Variants in SNRK observed in about 807,000 individuals in gnomAD.
The protein encoded by SNRK is SNF related kinase.
A neutral mutation model predicts 48.2 loss-of-function variants in SNRK; 3 were observed. That is an observed-to-expected ratio of 0.06 (90% CI 0.03 to 0.16). SNRK has a LOEUF of 0.16. Among genes scored for constraint, SNRK ranks in the 10% least tolerant of loss-of-function variants. SNRK has a pLI of 1.00. For synonymous variants in SNRK, 376 were observed against 366.1 expected (o/e 1.03, Z -0.31); for missense variants, 627 against 976.0 (o/e 0.64, Z 4.76).
chr3:43,323,398 A>G (rs1156609496), intron 3 of SNRK, among the ~76,000 whole-genome samples: 1 of 152,260 alleles, frequency 6.6e-6, no homozygotes, highest in Non-Finnish European at 1.5e-5. Context: ...CATTAGGGAA[A>G]TGCAAGTTAA....
At chr3:43,318,256 T>C (rs1465812227) in intron 3 of SNRK, among the ~76,000 whole-genome samples, 3 of 152,168 alleles carry the variant, frequency 2.0e-5, no homozygotes, top group Non-Finnish European at 4.4e-5. Context: ...TCTCACATGT[T>C]TTTAGTTGTA....
intron 1 of SNRK, among the ~76,000 whole-genome samples, chr3:43,294,851 G>A (rs1258024206): frequency 4.6e-5 from 7 of 151,822 alleles, no homozygotes; most frequent in Non-Finnish European, 1.5e-5. Flanking sequence ...GTTAATAAAA[G>A]CTTTAGATCA....
chr3:43,323,069 T>C (rs1211520532), intron 3 of SNRK, among the ~76,000 whole-genome samples: 1 of 151,582 alleles, frequency 6.6e-6, no homozygotes, highest in Non-Finnish European at 1.5e-5. Context: ...ACAAAGGTGC[T>C]AAAGCAATTC....
At chr3:43,320,825 T>A (rs1227361387) in intron 3 of SNRK, among the ~76,000 whole-genome samples, 1 of 152,154 alleles carries the variant, frequency 6.6e-6, no homozygotes, top group Non-Finnish European at 1.5e-5. Flanking sequence ...TTAAGATTCT[T>A]ATATGAATTT....
intron 3 of SNRK, among the ~76,000 whole-genome samples, chr3:43,321,864 T>G (rs549000225): frequency 1.3e-5 from 2 of 152,196 alleles, no homozygotes; most frequent in African/African-American, 4.8e-5. Context: ...GCCAGGTGGT[T>G]GTTACTTTCT....
chr3:43,321,786 T>A (rs1015948378), intron 3 of SNRK, among the ~76,000 whole-genome samples: 2 of 152,238 alleles, frequency 1.3e-5, no homozygotes, highest in Non-Finnish European at 1.5e-5. Context: ...GCGAGGCGCC[T>A]ACTTACCATG....
At chr3:43,291,358 G>A (rs182058226) in intron 1 of SNRK, among the ~76,000 whole-genome samples, 28 of 152,278 alleles carry the variant, frequency 1.8e-4, no homozygotes, top group African/African-American at 5.8e-4. Flanking sequence ...ATCTGTTCCC[G>A]TAAGAGACTG....
chr3:43,340,451 T>G lies in SNRK; in HGVS notation c.896T>G (p.Ile299Ser). Residue 299 changes from isoleucine (I) to serine (S), a missense_variant, in exon 5 of 7, where the codon ATT becomes AGT. Ile to Ser is a moderately radical substitution (Grantham distance 142). Transcript: ENST00000296088. ...TCGGAAGAGGAGCACAACAGCATCA[T>G]TCAGCGCATGGTGCTTGGGGACATA... ...NLSEEEHNSIIQRMVLGDIAD... is the reference protein window; with the variant it reads ...NLSEEEHNSISQRMVLGDIAD... The G allele has an allele frequency of 1.9e-6, 3 of 1,614,168 alleles. No individual in the cohort carries two copies. The highest frequency in any genetic ancestry group is 2.5e-6 in the Non-Finnish European group (3 of 1,180,020).
intron 3 of SNRK, among the ~76,000 whole-genome samples, chr3:43,325,845 A>C (rs371666184): frequency 1.4e-3 from 208 of 152,294 alleles, no homozygotes; most frequent in Middle Eastern, 3.4e-3. Flanking sequence ...ATTGAAACTC[A>C]GCTAAGCAGC....
chr3:43,325,782 G>A (rs1429412165), intron 3 of SNRK, among the ~76,000 whole-genome samples: 2 of 152,140 alleles, frequency 1.3e-5, no homozygotes, highest in Non-Finnish European at 2.9e-5. Flanking sequence ...AAGCCACTCT[G>A]TATCCCTGGT....
chr3:43,292,753 C>T (rs1044363875), intron 1 of SNRK, among the ~76,000 whole-genome samples: 1 of 152,212 alleles, frequency 6.6e-6, no homozygotes, highest in African/African-American at 2.4e-5. Context: ...GTGGGCTGCA[C>T]CAGTCCTTGG....
chr3:43,328,442 C>A (rs2091112243), intron 3 of SNRK, among the ~76,000 whole-genome samples: 1 of 151,984 alleles, frequency 6.6e-6, no homozygotes, highest in Non-Finnish European at 1.5e-5. Flanking sequence ...TGTGGTTTAG[C>A]ACACTGTGGA....
intron 5 of SNRK, among the ~76,000 whole-genome samples, chr3:43,341,064 G>C (rs1575559983): frequency 6.6e-6 from 1 of 152,170 alleles, no homozygotes; most frequent in Admixed American, 6.5e-5. Flanking sequence ...TCTGGCCCTT[G>C]AGAGCCCCTG....
chr3:43,330,872 T>C (rs1229807791), intron 3 of SNRK, among the ~76,000 whole-genome samples: 6 of 152,252 alleles, frequency 3.9e-5, no homozygotes, highest in African/African-American at 1.2e-4. Flanking sequence ...TCTGCTTTTT[T>C]CATCTGATTC....
In SNRK at chr3:43,347,318, C is replaced by G; in HGVS notation, c.1080-21C>G. 1 of 1,526,100 alleles carries G rather than the reference C, an allele frequency of 6.6e-7. No homozygotes were observed. Among genetic ancestry groups the G allele is most frequent in the Non-Finnish European group, 8.8e-7 (1 of 1,138,324 alleles). 94.5% of individuals were successfully genotyped at this position (1,526,100 alleles called of 1,614,324 possible). On this transcript the variant is annotated intron_variant, in intron 6 of 6. Transcript: ENST00000296088. The surrounding 1 kb of genome is among the most constrained non-coding windows in gnomAD (Gnocchi z 5.4). ...ATAATGATTATATGGCTTTTTTCCCCCCAATCTATCTGTTACATAGGCAGT... is the reference window on the plus strand; with the variant it reads ...ATAATGATTATATGGCTTTTTTCCCGCCAATCTATCTGTTACATAGGCAGT...
intron 1 of SNRK, among the ~76,000 whole-genome samples, chr3:43,295,004 C>A (rs1427747274): frequency 6.6e-6 from 1 of 152,150 alleles, no homozygotes; most frequent in Non-Finnish European, 1.5e-5. Flanking sequence ...TATGTGAACA[C>A]TTAATGCTGG....
intron 1 of SNRK, among the ~76,000 whole-genome samples, chr3:43,297,901 C>G (rs1178056401): frequency 6.6e-6 from 1 of 152,096 alleles, no homozygotes; most frequent in Non-Finnish European, 1.5e-5. Flanking sequence ...AACTGAACAG[C>G]AGTTCAGTTT....
At chr3:43,317,100 A>G (rs996058088) in intron 3 of SNRK, among the ~76,000 whole-genome samples, 2 of 152,216 alleles carry the variant, frequency 1.3e-5, no homozygotes, top group Non-Finnish European at 2.9e-5. Flanking sequence ...ACAATTGATC[A>G]TTGTAAGTTC....
At position 43,325,601 on chromosome 3, in the gene SNRK, T is replaced by G. The variant is rs77559118; in HGVS notation, c.590-6568T>G. On this transcript the variant is annotated intron_variant, in intron 3 of 6. Transcript: ENST00000296088. Reference sequence around the variant, plus strand: ...TATAGGTCTCTAATCTAGTTGCATTTGACTGACTAGACAAATAGAATTGGA... The same window carrying G: ...TATAGGTCTCTAATCTAGTTGCATTGGACTGACTAGACAAATAGAATTGGA... 4.2e-3 allele frequency among the ~76,000 whole-genome samples: 634 copies of G among 152,350 alleles called. 6 individuals are homozygous for G. Among genetic ancestry groups the G allele is most frequent in the African/African-American group, 0.015 (611 of 41,568 alleles).
Sources: allele counts gnomAD v4.1 joint callset (sites outside exome capture counted in the v4.1 genomes callset), GRCh38; gene constraint gnomAD v4.1.1; non-coding constraint Gnocchi (gnomAD v3.1); transcripts MANE v1.5; gene names NCBI Gene and HGNC (gene_info 2026-07-23, HGNC 2026-07-21).